KIRREL3: variants seen among roughly 807,000 people sequenced by gnomAD.
KIRREL3 encodes the protein kin of IRRE-like protein 3.
KIRREL3 carries 36 observed loss-of-function variants against 89.7 expected under a neutral mutation model. That is an observed-to-expected ratio of 0.40 (90% CI 0.31 to 0.53). The LOEUF (loss-of-function observed/expected upper bound fraction) is 0.53, where lower values mean the gene tolerates loss of function less well. Ranked by LOEUF, KIRREL3 falls within the 20% of genes least tolerant of loss-of-function variation. The probability of loss-of-function intolerance (pLI) is 0.49; values close to 1 mark genes in which losing one functional copy is unlikely to be tolerated. For synonymous variants in KIRREL3, 445 were observed against 441.4 expected, an observed-to-expected ratio of 1.01 and a Z score of -0.10; for missense variants, 864 against 1,056.6, an observed-to-expected ratio of 0.82 and a Z score of 2.53.
chr11:126,894,639 C>T (rs936996798), intron 1 of KIRREL3, among the ~76,000 whole-genome samples: 4 of 149,944 alleles, frequency 2.7e-5, no homozygotes, highest in African/African-American at 9.8e-5. Flanking sequence ...GTAGTCTCAG[C>T]TACTCAGGAG....
At chr11:126,858,131 AATTTGGTCC>A (rs1944590643) in intron 1 of KIRREL3, among the ~76,000 whole-genome samples, 1 of 152,174 alleles carries the variant, frequency 6.6e-6, no homozygotes, top group Non-Finnish European at 1.5e-5. Flanking sequence ...GCTGGGAAGC[AATTTGGTCC>A]ATTTCAACCA....
chr11:126,590,996 C>T (rs987383896), intron 1 of KIRREL3, among the ~76,000 whole-genome samples: 13 of 152,330 alleles, frequency 8.5e-5, no homozygotes, highest in Middle Eastern at 3.4e-3. Context: ...GCCGCTGAGG[C>T]GGGCAGATCA....
At chr11:126,446,223 G>A (rs1171521116) in intron 9 of KIRREL3, among the ~76,000 whole-genome samples, 4 of 151,508 alleles carry the variant, frequency 2.6e-5, no homozygotes, top group African/African-American at 7.3e-5. Flanking sequence ...GCTTTATTTG[G>A]GGGAAGTTTA....
At chr11:126,951,338 T>C (rs1948768202) in intron 1 of KIRREL3, among the ~76,000 whole-genome samples, 1 of 152,252 alleles carries the variant, frequency 6.6e-6, no homozygotes. Context: ...CTCATATTTT[T>C]ACATTTTCTC....
intron 7 of KIRREL3, among the ~76,000 whole-genome samples, chr11:126,453,875 G>C (rs1310692206): frequency 6.6e-6 from 1 of 152,228 alleles, no homozygotes; most frequent in Non-Finnish European, 1.5e-5. Context: ...AGGGCACCCT[G>C]CCCTCCCTGC....
Position 126,990,457 on chromosome 11 carries a change from C to T in KIRREL3, c.55+9998G>A, listed in dbSNP as rs772364114. ...ATCCCTCCCGTCCCTTCCCAGCTCC[C>T]GGCAGCCACTAGGCTTTCCCCTTCC... On this transcript the variant is annotated intron_variant, in intron 1 of 16. Transcript: ENST00000525144. The surrounding 1 kb of genome is among the most constrained non-coding windows in gnomAD (Gnocchi z 6.3). Among the ~76,000 whole-genome samples the T allele has an allele frequency of 6.6e-6, 1 of 152,156 alleles. No individual in the cohort carries two copies. The highest frequency in any genetic ancestry group is 1.5e-5 in the Non-Finnish European group (1 of 68,024).
At chr11:126,927,011 G>A (rs1947747015) in intron 1 of KIRREL3, among the ~76,000 whole-genome samples, 2 of 152,210 alleles carry the variant, frequency 1.3e-5, no homozygotes, top group Non-Finnish European at 2.9e-5. Context: ...CATGATGCAG[G>A]CAAAATATTG....
intron 1 of KIRREL3, among the ~76,000 whole-genome samples, chr11:126,774,776 G>A (rs944936067): frequency 2.6e-5 from 4 of 152,170 alleles, no homozygotes; most frequent in Admixed American, 6.5e-5. Context: ...AGACAGAGAC[G>A]CTGACCCATC....
Position 126,558,750 on chromosome 11 carries a change from G to A in KIRREL3, c.133+4085C>T, listed in dbSNP as rs1396744929. Among the ~76,000 whole-genome samples the A allele has an allele frequency of 6.6e-6, 1 of 152,324 alleles. No individual in the cohort carries two copies. Among genetic ancestry groups the A allele is most frequent in the East Asian group, 1.9e-4 (1 of 5,174 alleles). Reference sequence around the variant, plus strand: ...GCCATGTGCTTTGAGAAGGTGAGTGGTCTGGATCTCCAGGAGAGAGAGGTC... The same window carrying A: ...GCCATGTGCTTTGAGAAGGTGAGTGATCTGGATCTCCAGGAGAGAGAGGTC... On this transcript the variant is annotated intron_variant, in intron 2 of 16. Transcript: ENST00000525144. This position sits in a 1 kb window ranked among gnomAD's most constrained non-coding sequence, Gnocchi z 4.0.
chr11:126,743,144 G>C (rs936415282), intron 1 of KIRREL3, among the ~76,000 whole-genome samples: 1 of 152,172 alleles, frequency 6.6e-6, no homozygotes, highest in African/African-American at 2.4e-5. Context: ...GTTGAAATTA[G>C]AGTAGTTGGC....
chr11:126,840,180 C>G (rs540703437), intron 1 of KIRREL3, among the ~76,000 whole-genome samples: 1 of 152,142 alleles, frequency 6.6e-6, no homozygotes, highest in Admixed American at 6.5e-5. Context: ...TTATTTTGAT[C>G]TTTCTTTTAG....
intron 1 of KIRREL3, among the ~76,000 whole-genome samples, chr11:126,717,726 CTT>C (rs1948021575): frequency 6.6e-6 from 1 of 152,216 alleles, no homozygotes; most frequent in African/African-American, 2.4e-5. Context: ...ACATAAAACA[CTT>C]TATTGCAATT....
chr11:126,899,636 C>T (rs749353197), intron 1 of KIRREL3, among the ~76,000 whole-genome samples: 13 of 152,150 alleles, frequency 8.5e-5, no homozygotes, highest in Non-Finnish European at 1.8e-4. Flanking sequence ...CATATCTGAT[C>T]GGGCAAATCA....
intron 1 of KIRREL3, among the ~76,000 whole-genome samples, chr11:126,582,595 C>T (rs1941609240): frequency 6.6e-6 from 1 of 152,268 alleles, no homozygotes; most frequent in South Asian, 2.1e-4. Context: ...GATGGATGAC[C>T]TTAGCTGCAG....
At chr11:126,444,957 C>T in intron 10 of KIRREL3, 22 bp downstream of exon 10, 1 of 1,613,144 alleles carries the variant, frequency 6.2e-7, no homozygotes, top group Non-Finnish European at 8.5e-7. Flanking sequence ...TCAGGCCTGG[C>T]TCACCCCAGC....
rs562977543 is a variant in KIRREL3 at position 126,876,790 on chromosome 11, C to T, written c.55+123665G>A. On this transcript the variant is annotated intron_variant, in intron 1 of 16. Coordinates refer to ENST00000525144, the MANE Select transcript of KIRREL3 (RefSeq NM_032531.4). This position sits in a 1 kb window ranked among gnomAD's most constrained non-coding sequence, Gnocchi z 4.1. ...CATGACCTGATCTGCCCGCCTCAGCCTCCCGAAGTGCTAGGATTACAGGCG... is the reference window on the plus strand; with the variant it reads ...CATGACCTGATCTGCCCGCCTCAGCTTCCCGAAGTGCTAGGATTACAGGCG... Among the ~76,000 whole-genome samples the T allele has an allele frequency of 1.3e-5, 2 of 152,280 alleles. No individual in the cohort carries two copies. Among genetic ancestry groups the T allele is most frequent in the East Asian group, 3.9e-4 (2 of 5,174 alleles).
rs867631205 is a variant in KIRREL3 at position 126,799,145 on chromosome 11, T to C, written c.55+201310A>G. Among the ~76,000 whole-genome samples, 10 of 137,500 alleles carry C rather than the reference T, an allele frequency of 7.3e-5. No individual in the cohort carries two copies. The South Asian group carries it at 2.5e-3, about 34-fold the overall frequency. 90.2% of individuals were successfully genotyped at this position (137,500 alleles called of 152,430 possible). ...GTGTGCGTGTGCATGTACCTGTGTG[T>C]GCATGTGCGTATCTGTATGTGTGTG... On this transcript the variant is annotated intron_variant, in intron 1 of 16. Coordinates refer to ENST00000525144, the MANE Select transcript of KIRREL3 (RefSeq NM_032531.4).
chr11:126,848,183 C>T (rs1944212775), intron 1 of KIRREL3, among the ~76,000 whole-genome samples: 1 of 152,182 alleles, frequency 6.6e-6, no homozygotes, highest in Admixed American at 6.5e-5. Context: ...CACCGCAGGG[C>T]TTGGCTTTTT....
chr11:126,764,036 G>A lies in KIRREL3; in HGVS notation c.56-201124C>T, dbSNP rs1949743459. Among the ~76,000 whole-genome samples the A allele has an allele frequency of 6.6e-6, 1 of 152,106 alleles. No homozygotes were observed. Among genetic ancestry groups the A allele is most frequent in the Non-Finnish European group, 1.5e-5 (1 of 68,036 alleles). On this transcript the variant is annotated intron_variant, in intron 1 of 16. Coordinates refer to ENST00000525144, the MANE Select transcript of KIRREL3 (RefSeq NM_032531.4). This position sits in a 1 kb window ranked among gnomAD's most constrained non-coding sequence, Gnocchi z 4.2. Reference sequence around the variant, plus strand: ...TTCTTTGTAGAGGGCAAGGAAAGGTGGGTTATACAGATGCCCAGTGATATT... The same window carrying A: ...TTCTTTGTAGAGGGCAAGGAAAGGTAGGTTATACAGATGCCCAGTGATATT...
Sources: allele counts gnomAD v4.1 joint callset (sites outside exome capture counted in the v4.1 genomes callset), GRCh38; gene constraint gnomAD v4.1.1; non-coding constraint Gnocchi (gnomAD v3.1); transcripts MANE v1.5; gene names NCBI Gene and HGNC (gene_info 2026-07-23, HGNC 2026-07-21).